GSTCD: variants seen among roughly 807,000 people sequenced by gnomAD.
GSTCD encodes the protein glutathione S-transferase C-terminal domain-containing protein.
Under a neutral mutation model 68.3 loss-of-function variants are expected in GSTCD, and 44 were observed. The observed-to-expected ratio is 0.64, with a 90% CI of 0.51 to 0.83. GSTCD has a LOEUF of 0.83. Among genes scored for constraint, GSTCD ranks in the 40% least tolerant of loss-of-function variants. The pLI, the probability that GSTCD is intolerant of heterozygous loss-of-function variation, is 0.00. For missense variants in GSTCD, 739 were observed against 735.9 expected (o/e 1.00, Z -0.05); for synonymous variants, 273 against 255.2 (o/e 1.07, Z -0.67).
At chr4:105,732,300 G>A (rs1258763277) in intron 5 of GSTCD, among the ~76,000 whole-genome samples, 1 of 152,114 alleles carries the variant, frequency 6.6e-6, no homozygotes, top group African/African-American at 2.4e-5. Context: ...GGTAGAATTC[G>A]GCTGTGAATC....
chr4:105,735,462 G>T (rs184290617), intron 5 of GSTCD, among the ~76,000 whole-genome samples: 1 of 152,200 alleles, frequency 6.6e-6, no homozygotes, highest in Admixed American at 6.5e-5. Flanking sequence ...GTTGGCGTGG[G>T]ACCATCTGAG....
At chr4:105,731,682 ATTTC>A (rs1157579288) in intron 5 of GSTCD, among the ~76,000 whole-genome samples, 1 of 152,100 alleles carries the variant, frequency 6.6e-6, no homozygotes, top group Non-Finnish European at 1.5e-5. Flanking sequence ...AACAGGGACA[ATTTC>A]TTTCTCCTGC....
At chr4:105,775,773 A>T (rs746094592) in intron 5 of GSTCD, among the ~76,000 whole-genome samples, 3 of 152,084 alleles carry the variant, frequency 2.0e-5, no homozygotes, top group Non-Finnish European at 4.4e-5. Flanking sequence ...CTTTTGTATG[A>T]GGTGTCTGTT....
intron 5 of GSTCD, among the ~76,000 whole-genome samples, chr4:105,743,815 C>T (rs956353381): frequency 1.7e-4 from 26 of 151,870 alleles, no homozygotes; most frequent in African/African-American, 4.1e-4. Context: ...CCCGCCACCA[C>T]GCCCGGCTAA....
intron 5 of GSTCD, among the ~76,000 whole-genome samples, chr4:105,789,439 G>C (rs1030376753): frequency 6.6e-6 from 1 of 151,980 alleles, no homozygotes. Flanking sequence ...AACTTGGAGA[G>C]GACCCACTTC....
At chr4:105,722,634 T>A (rs1732892692) in intron 3 of GSTCD, among the ~76,000 whole-genome samples, 1 of 152,060 alleles carries the variant, frequency 6.6e-6, no homozygotes, top group Non-Finnish European at 1.5e-5. Context: ...TTTGAATAGA[T>A]GCAACATCTT....
At chr4:105,838,842 T>C (rs531403456) in intron 10 of GSTCD, among the ~76,000 whole-genome samples, 2 of 152,344 alleles carry the variant, frequency 1.3e-5, no homozygotes, top group South Asian at 2.1e-4. Flanking sequence ...ACAAATTCAT[T>C]TGGATTCTTA....
chr4:105,713,144 T>G (rs548588051), intron 1 of GSTCD, among the ~76,000 whole-genome samples: 3 of 152,230 alleles, frequency 2.0e-5, no homozygotes, highest in Non-Finnish European at 4.4e-5. Context: ...TGTTTCTATT[T>G]TATTCAGTGT....
chr4:105,734,507 G>A (rs1029630666), intron 5 of GSTCD, among the ~76,000 whole-genome samples: 4 of 152,134 alleles, frequency 2.6e-5, no homozygotes, highest in African/African-American at 9.7e-5. Context: ...CATTCATCAT[G>A]TAGTTCTCTT....
chr4:105,830,583 A>G (rs1456075417), intron 8 of GSTCD, among the ~76,000 whole-genome samples: 1 of 152,150 alleles, frequency 6.6e-6, no homozygotes, highest in Non-Finnish European at 1.5e-5. Context: ...GGGAGAGGGA[A>G]GTCTTAGGGC....
chr4:105,732,200 C>T (rs1202163637), intron 5 of GSTCD, among the ~76,000 whole-genome samples: 1 of 152,168 alleles, frequency 6.6e-6, no homozygotes, highest in African/African-American at 2.4e-5. Flanking sequence ...ATGATGCTGG[C>T]CTCATAAAAT....
At chr4:105,829,219 A>C (rs72673849) in intron 8 of GSTCD, among the ~76,000 whole-genome samples, 1 of 151,342 alleles carries the variant, frequency 6.6e-6, no homozygotes, top group South Asian at 2.1e-4. Flanking sequence ...AAAGGCACCT[A>C]TCCAGGCTTT....
intron 5 of GSTCD, among the ~76,000 whole-genome samples, chr4:105,797,757 G>A (rs1735952912): frequency 7.9e-6 from 1 of 126,686 alleles, no homozygotes; most frequent in Admixed American, 8.5e-5. Flanking sequence ...ACACACAATA[G>A]AACTTTTTTT....
intron 5 of GSTCD, among the ~76,000 whole-genome samples, chr4:105,746,656 C>T (rs1733813668): frequency 6.6e-6 from 1 of 151,874 alleles, no homozygotes; most frequent in African/African-American, 2.4e-5. Context: ...AGATTATCCT[C>T]TTAGTAGCAA....
At chr4:105,740,434 A>G (rs1027096431) in intron 5 of GSTCD, among the ~76,000 whole-genome samples, 1 of 152,002 alleles carries the variant, frequency 6.6e-6, no homozygotes, top group Non-Finnish European at 1.5e-5. Flanking sequence ...CTGTACGGCT[A>G]TCCTGAATTC....
At chr4:105,816,728 A>G (rs1723013950) in intron 5 of GSTCD, among the ~76,000 whole-genome samples, 1 of 152,020 alleles carries the variant, frequency 6.6e-6, no homozygotes, top group African/African-American at 2.4e-5. Context: ...TGACATCACA[A>G]TTAATTAAAA....
chr4:105,741,711 G>A (rs533106541), intron 5 of GSTCD, among the ~76,000 whole-genome samples: 2 of 152,132 alleles, frequency 1.3e-5, no homozygotes, highest in East Asian at 3.8e-4. Flanking sequence ...ATCTAACAGA[G>A]TTCATGGAAT....
intron 5 of GSTCD, chr4:105,761,022 G>A: frequency 1.5e-5 from 1 of 67,360 alleles, no homozygotes; most frequent in Non-Finnish European, 2.6e-5. Flanking sequence ...TTTTTTTTTT[G>A]AGATGGAGTC....
intron 5 of GSTCD, among the ~76,000 whole-genome samples, chr4:105,735,476 G>C (rs771369889): frequency 2.6e-5 from 4 of 152,226 alleles, no homozygotes; most frequent in Admixed American, 1.3e-4. Context: ...ATCTGAGCCA[G>C]GCACGGGATA....
Sources: gnomAD v4.1 joint callset for allele counts (sites outside exome capture counted in the v4.1 genomes callset) on GRCh38, gnomAD v4.1.1 for gene constraint, MANE v1.5 for transcripts, NCBI Gene and HGNC (gene_info 2026-07-23, HGNC 2026-07-21) for gene names.